TMEM154: variants seen among roughly 807,000 people sequenced by gnomAD.
TMEM154 encodes transmembrane protein 154.
In TMEM154, 27 loss-of-function variants were observed where a neutral mutation model predicts 24.5. The observed-to-expected ratio is 1.10, with a 90% CI of 0.81 to 1.52. The LOEUF is 1.52. Among genes scored for constraint, TMEM154 ranks in the 40% most tolerant of loss-of-function variants. TMEM154 has a pLI of 0.00. For synonymous variants in TMEM154, 67 were observed against 76.8 expected (o/e 0.87, Z 0.67); for missense variants, 228 against 213.4 (o/e 1.07, Z -0.43).
At chr4:152,674,930 TG>T (rs1343997492) in intron 1 of TMEM154, among the ~76,000 whole-genome samples, 1 of 151,104 alleles carries the variant, frequency 6.6e-6, no homozygotes, top group Non-Finnish European at 1.5e-5. Context: ...CCGAGGTGAG[TG>T]GATCACCTGA....
intron 1 of TMEM154, among the ~76,000 whole-genome samples, chr4:152,678,047 T>C (rs1258400007): frequency 2.6e-5 from 4 of 152,026 alleles, no homozygotes; most frequent in Non-Finnish European, 5.9e-5. Flanking sequence ...GGAGATCACA[T>C]TTAGTTTGAT....
Position 152,628,352 on chromosome 4 carries a change from T to C in TMEM154, c.*194A>G. 1 of 955,634 alleles carries C rather than the reference T, an allele frequency of 1.0e-6. No homozygotes were observed. Among genetic ancestry groups the C allele is most frequent in the South Asian group, 1.5e-5 (1 of 65,370 alleles). 59.2% of individuals were successfully genotyped at this position (955,634 alleles called of 1,614,324 possible). ...CAGCCAGGCCTTTTCCTAGTACTTCTCAATTGCACATTCTTCCAAGTGCAA... is the reference window on the plus strand; with the variant it reads ...CAGCCAGGCCTTTTCCTAGTACTTCCCAATTGCACATTCTTCCAAGTGCAA... On this transcript the variant is annotated 3_prime_UTR_variant, in exon 7 of 7. Coordinates refer to ENST00000304385, the MANE Select transcript of TMEM154 (RefSeq NM_152680.3).
intron 1 of TMEM154, among the ~76,000 whole-genome samples, chr4:152,673,460 C>T (rs932575243): frequency 6.6e-6 from 1 of 152,088 alleles, no homozygotes; most frequent in Non-Finnish European, 1.5e-5. Flanking sequence ...GCCACCATGC[C>T]CAGCTAATTT....
intron 3 of TMEM154, among the ~76,000 whole-genome samples, chr4:152,645,807 G>A (rs1752358045): frequency 6.6e-6 from 1 of 152,132 alleles, no homozygotes; most frequent in Non-Finnish European, 1.5e-5. Flanking sequence ...GGGCACAGAT[G>A]TAAGTTTCAT....
chr4:152,664,872 G>C (rs763834742), intron 1 of TMEM154, among the ~76,000 whole-genome samples: 12 of 152,182 alleles, frequency 7.9e-5, no homozygotes, highest in Admixed American at 1.3e-4. Flanking sequence ...TGACATGTTT[G>C]AATTTCAGGA....
At chr4:152,632,999 T>C (rs562750419) in intron 6 of TMEM154, among the ~76,000 whole-genome samples, 1 of 152,364 alleles carries the variant, frequency 6.6e-6, no homozygotes, top group East Asian at 1.9e-4. Flanking sequence ...AATCCTTATT[T>C]TGCAGGTTTT....
In TMEM154 at chr4:152,641,001, A is replaced by T; in HGVS notation, c.479-16T>A. On this transcript the variant is annotated splice_polypyrimidine_tract_variant and intron_variant, in intron 5 of 6. Transcript: ENST00000304385. ...TCAAAGTCGGCTAGGACAGAATAAA[A>T]GCAAACTCATTGTTAGTTACTGAAA... 6.2e-7 allele frequency: 1 copy of T among 1,605,466 alleles called. No homozygotes were observed. The highest frequency in any genetic ancestry group is 8.5e-7 in the Non-Finnish European group (1 of 1,176,926).
chr4:152,663,744 C>T (rs1356023806), intron 1 of TMEM154, among the ~76,000 whole-genome samples: 2 of 152,228 alleles, frequency 1.3e-5, no homozygotes, highest in Admixed American at 6.5e-5. Flanking sequence ...TGAAACTAAG[C>T]TGCAATACTT....
intron 1 of TMEM154, among the ~76,000 whole-genome samples, chr4:152,672,266 A>AG (rs1200987874): frequency 1.3e-5 from 2 of 152,112 alleles, no homozygotes; most frequent in East Asian, 3.9e-4. Flanking sequence ...AGAAAAAAAA[A>AG]GGGTTGTCAT....
chr4:152,638,045 CT>C (rs1383495228), intron 6 of TMEM154, among the ~76,000 whole-genome samples: 1 of 152,160 alleles, frequency 6.6e-6, no homozygotes, highest in Non-Finnish European at 1.5e-5. Flanking sequence ...AGAAGGATTG[CT>C]TGAGCCCAAA....
At chr4:152,639,059 T>C (rs180950977) in intron 6 of TMEM154, among the ~76,000 whole-genome samples, 382 of 152,298 alleles carry the variant, frequency 2.5e-3, no homozygotes, top group African/African-American at 8.9e-3. Context: ...GAAGGGATTC[T>C]CCTGCTTCAG....
intron 3 of TMEM154, among the ~76,000 whole-genome samples, chr4:152,644,786 C>G (rs1752324688): frequency 6.6e-6 from 1 of 152,188 alleles, no homozygotes; most frequent in South Asian, 2.1e-4. Context: ...GCTCCTTGGC[C>G]TCCTTCAGTA....
chr4:152,648,312 A>G (rs556786538), intron 3 of TMEM154, among the ~76,000 whole-genome samples: 3 of 151,968 alleles, frequency 2.0e-5, no homozygotes, highest in Non-Finnish European at 2.9e-5. Context: ...GCAAGACTCC[A>G]TCTCTACAAA....
chr4:152,665,847 G>T (rs1728709885), intron 1 of TMEM154, among the ~76,000 whole-genome samples: 1 of 150,008 alleles, frequency 6.7e-6, no homozygotes, highest in Non-Finnish European at 1.5e-5. Flanking sequence ...GAGTGCAGTG[G>T]TATGAACATG....
chr4:152,640,366 C>A (rs549499452), intron 6 of TMEM154, among the ~76,000 whole-genome samples: 1 of 152,236 alleles, frequency 6.6e-6, no homozygotes, highest in Admixed American at 6.5e-5. Flanking sequence ...TCAAAACACC[C>A]CAAATGTGGT....
chr4:152,638,919 C>G (rs924571712), intron 6 of TMEM154, among the ~76,000 whole-genome samples: 1 of 152,052 alleles, frequency 6.6e-6, no homozygotes, highest in African/African-American at 2.4e-5. Context: ...TGTGAAGGCT[C>G]TAGCTCATTT....
chr4:152,661,342 C>CTCTCTCTCTCTCTCT (rs1728608479), intron 1 of TMEM154, among the ~76,000 whole-genome samples: 2 of 136,970 alleles, frequency 1.5e-5, no homozygotes, highest in African/African-American at 2.8e-5. Context: ...CTCTCTCTCT[C>CTCTCTCTCTCTCTCT]CCCCCAACTC....
chr4:152,633,006 T>C (rs1453524305), intron 6 of TMEM154, among the ~76,000 whole-genome samples: 2 of 152,200 alleles, frequency 1.3e-5, no homozygotes, highest in East Asian at 1.9e-4. Flanking sequence ...ATTTTGCAGG[T>C]TTTACATAAG....
In TMEM154 at chr4:152,652,894, G is replaced by C; in HGVS notation, c.98C>G (p.Thr33Arg). ...NYEELENSGD[T>R]TVESERPNKV... ...ATTTGGTCTTTCAGATTCCACAGTT[G>C]TATCTCCTGAGTTTTCTAATTCCTC... Residue 33 changes from threonine to arginine, a missense_variant, in exon 2 of 7, where the codon ACA becomes AGA. By Grantham distance (71) the Thr-to-Arg change is moderately conservative. Transcript: ENST00000304385. The C allele has an allele frequency of 6.2e-7, 1 of 1,611,622 alleles. No individual in the cohort carries two copies. Among genetic ancestry groups the C allele is most frequent in the Non-Finnish European group, 8.5e-7 (1 of 1,179,098 alleles).
Sources: allele counts gnomAD v4.1 joint callset (sites outside exome capture counted in the v4.1 genomes callset), GRCh38; gene constraint gnomAD v4.1.1; transcripts MANE v1.5; gene names NCBI Gene and HGNC (gene_info 2026-07-23, HGNC 2026-07-21).